Variants in DPT observed in about 807,000 individuals in gnomAD.
DPT encodes the protein tyrosine-rich acidic matrix protein.
A neutral mutation model predicts 31.2 loss-of-function variants in DPT; 21 were observed. The ratio of observed to expected loss-of-function variants is 0.67; its 90% CI spans 0.48 to 0.97. DPT has a LOEUF of 0.97. Ranked by LOEUF, DPT falls within the 50% of genes least tolerant of loss-of-function variation. DPT has a pLI of 0.00. For missense variants in DPT, 262 were observed against 258.8 expected, an observed-to-expected ratio of 1.01 and a Z score of -0.08; for synonymous variants, 91 against 86.9, an observed-to-expected ratio of 1.05 and a Z score of -0.26.
chr1:168,696,486 A>C lies in DPT; in HGVS notation c.*63T>G, dbSNP rs1264455818. 1 of 1,414,544 alleles carries C rather than the reference A, an allele frequency of 7.1e-7. No homozygotes were observed. Among genetic ancestry groups the C allele is most frequent in the Non-Finnish European group, 9.8e-7 (1 of 1,019,496 alleles). 87.6% of individuals were successfully genotyped at this position (1,414,544 alleles called of 1,614,324 possible). On this transcript the variant is annotated 3_prime_UTR_variant, in exon 4 of 4. Coordinates refer to ENST00000367817, the MANE Select transcript of DPT (RefSeq NM_001937.5). ...TATAGGAGATCCAACTGATGTTAAC[A>C]TATGTGGACACCCTCCTGTCCCCGG... is the stretch of plus-strand genomic sequence containing the variant.
At position 168,696,550 on chromosome 1, in the gene DPT, T is replaced by C; in HGVS notation, c.605A>G (p.Ter202TrpextTer43). 3 of 1,613,928 alleles carry C rather than the reference T, an allele frequency of 1.9e-6. No individual in the cohort carries two copies. Among genetic ancestry groups the C allele is most frequent in the Non-Finnish European group, 2.5e-6 (3 of 1,179,916 alleles). ...TEYDCEFANV[*>W] ...ACCCAGATTTGGTATGTGGCAAATC[T>C]AAACATTTGCAAATTCACAGTCGTA... Residue 202 changes from the stop codon to tryptophan (W), a stop_lost, in exon 4 of 4, where the codon TAG (stop) becomes TGG (tryptophan). Transcript: ENST00000367817.
chr1:168,709,857 C>T (rs1344875892), intron 2 of DPT, among the ~76,000 whole-genome samples: 3 of 152,172 alleles, frequency 2.0e-5, no homozygotes, highest in Admixed American at 1.3e-4. Context: ...AAAGAGTTCT[C>T]ACTTCACTCT....
At chr1:168,696,643 T>C (rs1649473451) in intron 3 of DPT, 28 bp from the exon 4 acceptor site, 1 of 1,604,926 alleles carries the variant, frequency 6.2e-7, no homozygotes, top group Admixed American at 1.7e-5. Flanking sequence ...AGAAAATGAA[T>C]GTCAGTGAGA....
intron 3 of DPT, among the ~76,000 whole-genome samples, chr1:168,698,123 T>C (rs1649504776): frequency 6.6e-6 from 1 of 152,210 alleles, no homozygotes; most frequent in South Asian, 2.1e-4. Flanking sequence ...ATCCAGCTTC[T>C]AAACTGAAAA....
intron 2 of DPT, among the ~76,000 whole-genome samples, chr1:168,707,284 C>T (rs1237754401): frequency 6.6e-6 from 1 of 151,898 alleles, no homozygotes; most frequent in African/African-American, 2.4e-5. Context: ...AGGGTCTCAC[C>T]CAAAGCCTAT....
intron 1 of DPT, among the ~76,000 whole-genome samples, chr1:168,724,430 A>ATTTCAC (rs1650191644): frequency 6.6e-6 from 1 of 152,148 alleles, no homozygotes; most frequent in South Asian, 2.1e-4. Context: ...TTCACTGCAT[A>ATTTCAC]TGTATTGAGG....
chr1:168,704,610 T>C (rs908424947), intron 2 of DPT, among the ~76,000 whole-genome samples: 2 of 151,898 alleles, frequency 1.3e-5, no homozygotes, highest in African/African-American at 2.4e-5. Context: ...TGTGTGTGTG[T>C]GCATGCGCAC....
At chr1:168,697,635 A>G (rs1649493241) in intron 3 of DPT, among the ~76,000 whole-genome samples, 1 of 152,224 alleles carries the variant, frequency 6.6e-6, no homozygotes, top group Non-Finnish European at 1.5e-5. Flanking sequence ...GAGTGCCTAC[A>G]TTGCATGACA....
intron 1 of DPT, among the ~76,000 whole-genome samples, chr1:168,724,589 C>G (rs1469911187): frequency 6.6e-6 from 1 of 151,974 alleles, no homozygotes; most frequent in African/African-American, 2.4e-5. Flanking sequence ...TTGTAGGAAA[C>G]AAAGCAGGCT....
At chr1:168,708,166 T>C (rs570866068) in intron 2 of DPT, among the ~76,000 whole-genome samples, 11 of 152,336 alleles carry the variant, frequency 7.2e-5, no homozygotes, top group African/African-American at 9.6e-5. Context: ...TGTATTTGTA[T>C]CATTTTTTAT....
intron 2 of DPT, among the ~76,000 whole-genome samples, chr1:168,704,289 T>C (rs1649666736): frequency 6.6e-6 from 1 of 152,218 alleles, no homozygotes; most frequent in Non-Finnish European, 1.5e-5. Flanking sequence ...CTTGGCAAGA[T>C]GAAGAAGAGC....
At chr1:168,698,689 C>T (rs1301813243) in intron 3 of DPT, among the ~76,000 whole-genome samples, 4 of 152,096 alleles carry the variant, frequency 2.6e-5, no homozygotes, top group African/African-American at 4.8e-5. Flanking sequence ...GTAGACTAAA[C>T]ATCTAGAATG....
chr1:168,724,963 C>G (rs191879168), intron 1 of DPT, among the ~76,000 whole-genome samples: 6 of 152,128 alleles, frequency 3.9e-5, no homozygotes, highest in African/African-American at 1.4e-4. Flanking sequence ...AAGTAGATAC[C>G]AATAAATGGA....
chr1:168,697,663 T>C (rs1015167436), intron 3 of DPT, among the ~76,000 whole-genome samples: 2 of 152,258 alleles, frequency 1.3e-5, no homozygotes, highest in African/African-American at 4.8e-5. Context: ...GGTCTAATAC[T>C]GTTGAACAGT....
intron 2 of DPT, among the ~76,000 whole-genome samples, chr1:168,706,788 A>G (rs1649724378): frequency 1.3e-5 from 2 of 152,212 alleles, no homozygotes; most frequent in African/African-American, 2.4e-5. Flanking sequence ...AAAGTCCCTG[A>G]ACACTTTCCA....
At chr1:168,711,463 G>T (rs781254045) in intron 2 of DPT, among the ~76,000 whole-genome samples, 16 of 152,156 alleles carry the variant, frequency 1.1e-4, no homozygotes, top group Non-Finnish European at 2.1e-4. Flanking sequence ...GACACAGCAG[G>T]CTCTCCCACT....
At chr1:168,715,238 A>C (rs1359311285) in intron 1 of DPT, among the ~76,000 whole-genome samples, 1 of 152,252 alleles carries the variant, frequency 6.6e-6, no homozygotes, top group Non-Finnish European at 1.5e-5. Context: ...CTTTTGAACT[A>C]AACATTGACT....
intron 1 of DPT, among the ~76,000 whole-genome samples, chr1:168,723,801 T>C (rs1453985830): frequency 6.6e-6 from 1 of 152,246 alleles, no homozygotes; most frequent in African/African-American, 2.4e-5. Flanking sequence ...TCTGTTGTAC[T>C]ATATTTGTGC....
At chr1:168,699,094 T>C (rs1231065046) in intron 3 of DPT, among the ~76,000 whole-genome samples, 1 of 152,204 alleles carries the variant, frequency 6.6e-6, no homozygotes, top group East Asian at 1.9e-4. Context: ...GAATTGAGCA[T>C]TTTAACTACT....
Sources: allele counts gnomAD v4.1 joint callset (sites outside exome capture counted in the v4.1 genomes callset), GRCh38; gene constraint gnomAD v4.1.1; transcripts MANE v1.5; gene names NCBI Gene and HGNC (gene_info 2026-07-23, HGNC 2026-07-21).